Variants in TRPC6 observed in about 807,000 individuals in gnomAD.
TRPC6 encodes transient receptor potential cation channel subfamily C member 6, also known as short transient receptor potential channel 6.
TRPC6 carries 55 observed loss-of-function variants against 90.7 expected under a neutral mutation model. That is an observed-to-expected ratio of 0.61 (90% CI 0.49 to 0.76). The LOEUF is 0.76. Ranked by LOEUF, TRPC6 falls within the 30% of genes least tolerant of loss-of-function variation. The pLI, the probability that TRPC6 is intolerant of heterozygous loss-of-function variation, is 0.00. For missense variants in TRPC6, 989 were observed against 1,122.7 expected, an observed-to-expected ratio of 0.88 and a Z score of 1.70; for synonymous variants, 393 against 393.0, an observed-to-expected ratio of 1.00 and a Z score of 0.00.
At chr11:101,460,245 G>A (rs1208656183) in intron 10 of TRPC6, among the ~76,000 whole-genome samples, 1 of 152,070 alleles carries the variant, frequency 6.6e-6, no homozygotes, top group African/African-American at 2.4e-5. Context: ...ATCCATGGGG[G>A]ATTGGTTCCA....
rs188576496 is a variant in TRPC6 at position 101,546,135 on chromosome 11, A to C, written c.170+37199T>G. ...GCCGGACTGCGGACTGCAGTGGCGC[A>C]ATCTCGGCTCACTGCAAGCTCCGCT... On this transcript the variant is annotated intron_variant, in intron 1 of 12. Transcript: ENST00000344327. Among the ~76,000 whole-genome samples the C allele has an allele frequency of 7.7e-3, 424 of 55,282 alleles. 76 individuals carry two copies. Among genetic ancestry groups the C allele is most frequent in the African/African-American group, 0.031 (398 of 12,880 alleles). The allele number at this position is 55,282 out of a possible 152,430, so 36.3% of individuals were successfully genotyped here.
intron 1 of TRPC6, among the ~76,000 whole-genome samples, chr11:101,531,906 TCTGC>T (rs1860920170): frequency 6.6e-6 from 1 of 152,178 alleles, no homozygotes; most frequent in African/African-American, 2.4e-5. Context: ...CCCTCTCCTA[TCTGC>T]CTGTTTTAGC....
rs952789319 is a variant in TRPC6 at position 101,523,752 on chromosome 11, T to C, written c.171-18954A>G. On this transcript the variant is annotated intron_variant, in intron 1 of 12. Transcript: ENST00000344327. ...TACATTTGAGATAAAATATATCCAA[T>C]CTCTACTCAAATACTTTGCTTCACT... Among the ~76,000 whole-genome samples, 4 of 152,180 alleles carry C rather than the reference T, an allele frequency of 2.6e-5. 1 individual carries two copies. Among genetic ancestry groups the C allele is most frequent in the Non-Finnish European group, 5.9e-5 (4 of 68,020 alleles).
chr11:101,489,019 G>T lies in TRPC6; in HGVS notation c.1211C>A (p.Ala404Glu), dbSNP rs36111323. Residue 404 changes from alanine to glutamate, a missense_variant, in exon 4 of 13, where the codon GCG becomes GAG. Ala to Glu is a moderately radical substitution (Grantham distance 107). Transcript: ENST00000344327. Reference protein sequence around the residue: ...NLSGLRQQTMAVKFLVVLAVA... With the variant: ...NLSGLRQQTMEVKFLVVLAVA... ...AGCAAGGACCACAAGGAACTTGACC[G>T]CCATTGTCTGCTGTCGTAAACCAGA... 2 of 1,614,100 alleles carry T rather than the reference G, an allele frequency of 1.2e-6. No homozygotes were observed. The highest frequency in any genetic ancestry group is 1.7e-4 in the Middle Eastern group (1 of 6,058).
chr11:101,538,738 C>G (rs1001804376), intron 1 of TRPC6, among the ~76,000 whole-genome samples: 1 of 152,150 alleles, frequency 6.6e-6, no homozygotes, highest in Non-Finnish European at 1.5e-5. Context: ...ATGATAAAAA[C>G]TGGACCCACG....
At chr11:101,533,406 C>A (rs1860957720) in intron 1 of TRPC6, among the ~76,000 whole-genome samples, 1 of 152,100 alleles carries the variant, frequency 6.6e-6, no homozygotes, top group Non-Finnish European at 1.5e-5. Context: ...GTGCCACACA[C>A]TTTTAAATGA....
At chr11:101,557,974 T>TCAATG (rs953228329) in intron 1 of TRPC6, among the ~76,000 whole-genome samples, 1 of 152,096 alleles carries the variant, frequency 6.6e-6, no homozygotes, top group Non-Finnish European at 1.5e-5. Flanking sequence ...ATCTACAGAT[T>TCAATG]CAATGCAATC....
intron 1 of TRPC6, among the ~76,000 whole-genome samples, chr11:101,569,493 G>A (rs1273166497): frequency 6.6e-6 from 1 of 152,126 alleles, no homozygotes; most frequent in Non-Finnish European, 1.5e-5. Context: ...TCCAGGACTT[G>A]AACTCAGCTC....
chr11:101,558,199 G>A lies in TRPC6; in HGVS notation c.170+25135C>T, dbSNP rs540053753. Among the ~76,000 whole-genome samples, 106 of 111,224 alleles carry A rather than the reference G, an allele frequency of 9.5e-4. 13 individuals are homozygous for A. The highest frequency in any genetic ancestry group is 3.8e-3 in the African/African-American group (100 of 25,998). 73.0% of individuals were successfully genotyped at this position (111,224 alleles called of 152,430 possible). On this transcript the variant is annotated intron_variant, in intron 1 of 12. Coordinates refer to ENST00000344327, the MANE Select transcript of TRPC6 (RefSeq NM_004621.6). ...AATATATATAAACATACATATATAT[G>A]TGTGTGTATACATGTATATATGTAT...
At chr11:101,547,438 T>C (rs1861332863) in intron 1 of TRPC6, among the ~76,000 whole-genome samples, 1 of 152,102 alleles carries the variant, frequency 6.6e-6, no homozygotes, top group African/African-American at 2.4e-5. Flanking sequence ...GAACAAATGC[T>C]CTGCTGCCAA....
chr11:101,469,623 C>T (rs550724774), intron 9 of TRPC6, 122 bp from the exon 10 acceptor site: 9 of 605,200 alleles, frequency 1.5e-5, no homozygotes, highest in African/African-American at 7.4e-5. Context: ...CATATTCTTA[C>T]GGGGTTCTTC....
In TRPC6 at chr11:101,583,834, A is replaced by T. The variant is rs1179382881; in HGVS notation, c.-331T>A. 1 of 292,184 alleles carries T rather than the reference A, an allele frequency of 3.4e-6. No homozygotes were observed. The highest frequency in any genetic ancestry group is 6.3e-6 in the Non-Finnish European group (1 of 158,008). 18.1% of individuals were successfully genotyped at this position (292,184 alleles called of 1,614,324 possible). A position where few individuals can be genotyped will look rare whatever the true frequency, so the allele number is the denominator to read the frequency against. On this transcript the variant is annotated 5_prime_UTR_variant, in exon 1 of 13. Coordinates refer to ENST00000344327, the MANE Select transcript of TRPC6 (RefSeq NM_004621.6). ...GTGGTAGCGAAGCGTAAGAGCGGAG[A>T]GCAAGGGAGACGGAGCTGAAGAGTT...
At chr11:101,563,898 T>C (rs1861771024) in intron 1 of TRPC6, among the ~76,000 whole-genome samples, 1 of 152,210 alleles carries the variant, frequency 6.6e-6, no homozygotes, top group South Asian at 2.1e-4. Context: ...TTTCTACTTG[T>C]ACATTTAGAG....
intron 10 of TRPC6, among the ~76,000 whole-genome samples, chr11:101,461,314 C>T (rs1411071368): frequency 7.9e-5 from 12 of 152,184 alleles, no homozygotes; most frequent in Non-Finnish European, 1.8e-4. Flanking sequence ...CCTGTAATCC[C>T]AGCACTTTGG....
chr11:101,482,306 ATTG>A (rs1165207540), intron 5 of TRPC6, among the ~76,000 whole-genome samples: 1 of 152,180 alleles, frequency 6.6e-6, no homozygotes, highest in African/African-American at 2.4e-5. Flanking sequence ...AAGTATCTTT[ATTG>A]TTTGCATTAT....
At chr11:101,554,137 G>A (rs1591132481) in intron 1 of TRPC6, among the ~76,000 whole-genome samples, 1 of 152,236 alleles carries the variant, frequency 6.6e-6, no homozygotes, top group East Asian at 1.9e-4. Context: ...AAATAAAGAG[G>A]AAGGAGAAAT....
intron 1 of TRPC6, among the ~76,000 whole-genome samples, chr11:101,531,960 T>C (rs957851723): frequency 6.6e-6 from 1 of 152,126 alleles, no homozygotes; most frequent in African/African-American, 2.4e-5. Context: ...TGGGAAGGTG[T>C]CGGCTCAGCA....
chr11:101,468,864 C>T (rs1859213966), intron 10 of TRPC6, among the ~76,000 whole-genome samples: 1 of 152,054 alleles, frequency 6.6e-6, no homozygotes, highest in South Asian at 2.1e-4. Flanking sequence ...CATTTCTTTT[C>T]AGCAACAAGC....
chr11:101,496,949 A>G (rs1203940246), intron 2 of TRPC6, among the ~76,000 whole-genome samples: 1 of 152,230 alleles, frequency 6.6e-6, no homozygotes, highest in African/African-American at 2.4e-5. Context: ...TCTCTTGAAT[A>G]GACTCAATAT....
Sources: gnomAD v4.1 joint callset for allele counts (sites outside exome capture counted in the v4.1 genomes callset) on GRCh38, gnomAD v4.1.1 for gene constraint, MANE v1.5 for transcripts, NCBI Gene and HGNC (gene_info 2026-07-23, HGNC 2026-07-21) for gene names.